INTS10: variants seen among roughly 807,000 people sequenced by gnomAD.
INTS10 encodes integrator complex subunit 10.
In INTS10, 44 loss-of-function variants were observed where a neutral mutation model predicts 94.4. That is an observed-to-expected ratio of 0.47 (90% CI 0.37 to 0.60). The LOEUF (loss-of-function observed/expected upper bound fraction) is 0.60, where lower values mean the gene tolerates loss of function less well. Among genes scored for constraint, INTS10 ranks in the 20% least tolerant of loss-of-function variants. The probability of loss-of-function intolerance (pLI) is 0.00; values close to 1 mark genes in which losing one functional copy is unlikely to be tolerated. For missense variants in INTS10, 797 were observed against 868.7 expected, an observed-to-expected ratio of 0.92 and a Z score of 1.04; for synonymous variants, 341 against 320.7, an observed-to-expected ratio of 1.06 and a Z score of -0.68.
chr8:19,826,548 G>GA lies in INTS10; in HGVS notation c.1135dup (p.Thr379AsnfsTer7). 6.2e-7 allele frequency: 1 copy of GA among 1,610,596 alleles called. No homozygotes were observed. Among genetic ancestry groups the GA allele is most frequent in the Non-Finnish European group, 8.5e-7 (1 of 1,179,026 alleles). ...AAAGAGGAAACTAGCTGAAGGAAGA[G>GA]AAAAAACCATGGTAAGGCTTTCAAA... On this transcript the variant is annotated frameshift_variant, in exon 9 of 17. Transcript: ENST00000397977. LOFTEE classifies it high-confidence loss of function.
chr8:19,850,205 G>A (rs1421408169), intron 16 of INTS10, among the ~76,000 whole-genome samples: 2 of 151,990 alleles, frequency 1.3e-5, no homozygotes, highest in Non-Finnish European at 2.9e-5. Context: ...GCAAGTGCCA[G>A]TAACCTCCGC....
chr8:19,827,887 T>A (rs1027818160), intron 9 of INTS10, among the ~76,000 whole-genome samples: 1 of 152,156 alleles, frequency 6.6e-6, no homozygotes, highest in Admixed American at 6.6e-5. Context: ...GCTCACAGTG[T>A]TTTGTTTGTT....
chr8:19,830,619 T>C (rs982219046), intron 10 of INTS10, 60 bp downstream of exon 10: 1 of 1,473,490 alleles, frequency 6.8e-7, no homozygotes, highest in Non-Finnish European at 9.3e-7. Flanking sequence ...TTACGCTACT[T>C]CAAATGTCAG....
At chr8:19,841,725 T>A (rs35843228) in intron 13 of INTS10, 144,323 of 427,802 alleles carry the variant, frequency 0.34, 25,620 homozygotes, top group East Asian at 0.39. Context: ...CAACTTCCCA[T>A]GACCAAGTTG....
Position 19,833,268 on chromosome 8 carries a change from CAG to C in INTS10, c.1480_1481del (p.Arg494GlyfsTer20). 6.2e-7 allele frequency: 1 copy of C among 1,613,268 alleles called. No homozygotes were observed. Among genetic ancestry groups the C allele is most frequent in the Non-Finnish European group, 8.5e-7 (1 of 1,179,584 alleles). On this transcript the variant is annotated frameshift_variant, in exon 12 of 17. Transcript: ENST00000397977. LOFTEE classifies it high-confidence loss of function. Reference protein sequence around the residue: ...QITGQGTLEHQRALIQLATCH... With the variant: ...QITGQGTLEHXRALIQLATCH... ...CACAGGGCAGGGGACCCTGGAGCAT[CAG>C]AGGGCGCTCATCCAGCTGGCGACGT...
chr8:19,843,733 A>G lies in INTS10; in HGVS notation c.1720-343A>G, dbSNP rs559885042. The stretch of plus-strand genomic sequence containing the variant: ...CTCCCATCTGCTCCCTTTCAAAGAA[A>G]TCTTCAGATTTATTTCTCCATTACA... On this transcript the variant is annotated intron_variant, in intron 14 of 16. Coordinates refer to ENST00000397977, the MANE Select transcript of INTS10 (RefSeq NM_018142.4). This position sits in a 1 kb window ranked among gnomAD's most constrained non-coding sequence, Gnocchi z 4.7. Among the ~76,000 whole-genome samples the G allele has an allele frequency of 2.2e-4, 33 of 152,062 alleles. 1 individual carries two copies. The highest frequency in any genetic ancestry group is 4.1e-4 in the South Asian group (2 of 4,820).
chr8:19,825,729 T>C (rs1213751942), intron 8 of INTS10, among the ~76,000 whole-genome samples: 2 of 152,146 alleles, frequency 1.3e-5, no homozygotes, highest in Non-Finnish European at 2.9e-5. Context: ...GCGGTCGTTT[T>C]TACGTATTGC....
chr8:19,822,258 C>T, intron 4 of INTS10, 181 bp from the exon 5 acceptor site: 1 of 475,202 alleles, frequency 2.1e-6, no homozygotes, highest in Non-Finnish European at 3.8e-6. Context: ...TGAATTTGGC[C>T]TTCTAGGGTG....
chr8:19,844,905 G>GT (rs201829332), intron 15 of INTS10, among the ~76,000 whole-genome samples: 31 of 150,714 alleles, frequency 2.1e-4, no homozygotes, highest in Middle Eastern at 3.4e-3. Flanking sequence ...TTTTTATTTT[G>GT]TTTTTTTTTA....
chr8:19,817,677 G>A lies in INTS10; in HGVS notation c.129+11G>A. The A allele has an allele frequency of 6.2e-7, 1 of 1,600,600 alleles. No individual in the cohort carries two copies. Among genetic ancestry groups the A allele is most frequent in the Non-Finnish European group, 8.5e-7 (1 of 1,174,570 alleles). ...GACTTTAACATCCAGGTGAGGTCCC[G>A]GCTGTGCATGCGGCCGCTCTGCGTG... On this transcript the variant is annotated intron_variant, in intron 1 of 16. Transcript: ENST00000397977.
chr8:19,845,091 G>T (rs916397039), intron 15 of INTS10, among the ~76,000 whole-genome samples: 6 of 152,090 alleles, frequency 3.9e-5, no homozygotes, highest in African/African-American at 7.2e-5. Context: ...CATGGTTTGG[G>T]ACAGATATCT....
chr8:19,833,118 C>CT (rs759425767), intron 11 of INTS10, 51 bp from the exon 12 acceptor site: 30 of 1,451,466 alleles, frequency 2.1e-5, no homozygotes, highest in Admixed American at 2.0e-4. Flanking sequence ...TTTTAAATTT[C>CT]TTTTTTTAAC....
chr8:19,849,075 T>A lies in INTS10; in HGVS notation c.1977-2574T>A. 1 of 534,018 alleles carries A rather than the reference T, an allele frequency of 1.9e-6. No individual in the cohort carries two copies. The highest frequency in any genetic ancestry group is 3.3e-6 in the Non-Finnish European group (1 of 305,476). The allele number at this position is 534,018 out of a possible 1,614,324, so 33.1% of individuals were successfully genotyped here. ...GTTTCTGTTTAGTCTGCTTCTAGTC[T>A]TGTGTATTTTCTCTGGAGTGTTGTT... On this transcript the variant is annotated intron_variant, in intron 16 of 16. Transcript: ENST00000397977. This position sits in a 1 kb window ranked among gnomAD's most constrained non-coding sequence, Gnocchi z 4.6.
intron 1 of INTS10, 77 bp from the exon 2 acceptor site, chr8:19,818,198 G>T: frequency 7.1e-7 from 1 of 1,414,484 alleles, no homozygotes. Context: ...CTGCAGGAGG[G>T]CCAACGAGCG....
rs2065996203 is a variant in INTS10 at position 19,817,446 on chromosome 8, C to T, written c.-92C>T. ...TGCGCAGTAGCCTCCCCCGCGGTGG[C>T]GGCGGCGGCGGCGGTGGCTGCCGTG... On this transcript the variant is annotated 5_prime_UTR_variant, in exon 1 of 17. Coordinates refer to ENST00000397977, the MANE Select transcript of INTS10 (RefSeq NM_018142.4). The T allele has an allele frequency of 7.8e-6, 11 of 1,407,142 alleles. No individual in the cohort carries two copies. The highest frequency in any genetic ancestry group is 5.4e-5 in the South Asian group (4 of 74,310). The allele number at this position is 1,407,142 out of a possible 1,614,324, so 87.2% of individuals were successfully genotyped here. A position where few individuals can be genotyped will look rare whatever the true frequency, so the allele number is the denominator to read the frequency against.
At chr8:19,834,892 G>C (rs2067526784) in intron 12 of INTS10, among the ~76,000 whole-genome samples, 1 of 152,124 alleles carries the variant, frequency 6.6e-6, no homozygotes, top group Non-Finnish European at 1.5e-5. Flanking sequence ...GTGAGGTCCT[G>C]CTTCCCGGAT....
chr8:19,832,447 A>G (rs569154897), intron 11 of INTS10, among the ~76,000 whole-genome samples: 3 of 152,184 alleles, frequency 2.0e-5, no homozygotes, highest in East Asian at 1.9e-4. Context: ...GCATGTGCCT[A>G]TAGTTCCAGC....
At chr8:19,822,593 A>G in intron 5 of INTS10, 73 bp downstream of exon 5, 1 of 919,592 alleles carries the variant, frequency 1.1e-6, no homozygotes, top group South Asian at 1.5e-5. Flanking sequence ...TTCAGGGATA[A>G]GCTCATATAT....
intron 12 of INTS10, among the ~76,000 whole-genome samples, chr8:19,833,778 C>A (rs1231997748): frequency 6.6e-6 from 1 of 151,962 alleles, no homozygotes; most frequent in Non-Finnish European, 1.5e-5. Context: ...GAGGCTGAGG[C>A]CAGCACATCA....
Sources: gnomAD v4.1 joint callset for allele counts (sites outside exome capture counted in the v4.1 genomes callset) on GRCh38, gnomAD v4.1.1 for gene constraint, Gnocchi (gnomAD v3.1) non-coding constraint, MANE v1.5 for transcripts, NCBI Gene and HGNC (gene_info 2026-07-23, HGNC 2026-07-21) for gene names.